The following SUPT5H variants were observed in gnomAD, a reference collection of about 807,000 sequenced individuals.
SUPT5H encodes transcription elongation factor SPT5.
SUPT5H carries 24 observed loss-of-function variants against 142.5 expected under a neutral mutation model. That is an observed-to-expected ratio of 0.17 (90% confidence interval 0.12 to 0.24). The LOEUF (loss-of-function observed/expected upper bound fraction) is 0.24, where lower values mean the gene tolerates loss of function less well. Among genes scored for constraint, SUPT5H ranks in the 10% least tolerant of loss-of-function variants. SUPT5H has a pLI of 1.00. For missense variants in SUPT5H, 893 were observed against 1,471.8 expected (o/e 0.61, Z 6.43); for synonymous variants, 546 against 553.0 (o/e 0.99, Z 0.18).
At chr19:39,464,711 G>T (rs62120671) in intron 10 of SUPT5H, 87 bp from the exon 11 acceptor site, 75,414 of 1,510,496 alleles carry the variant, frequency 0.05, 2,259 homozygotes, top group South Asian at 0.095. Flanking sequence ...TAAATTCCTA[G>T]AAGAGGGACT....
In SUPT5H at chr19:39,474,437, G is replaced by A; in HGVS notation, c.2820+35G>A. 2 of 1,610,708 alleles carry A rather than the reference G, an allele frequency of 1.2e-6. No homozygotes were observed. Among genetic ancestry groups the A allele is most frequent in the Non-Finnish European group, 1.7e-6 (2 of 1,177,448 alleles). On this transcript the variant is annotated intron_variant, in intron 27 of 29. Coordinates refer to ENST00000432763, the MANE Select transcript of SUPT5H (RefSeq NM_001111020.3). The surrounding 1 kb of genome is among the most constrained non-coding windows in gnomAD (Gnocchi z 6.5). ...TGCCTGCCTGCCCTGAAGGGTGGTG[G>A]GCTAGGGTGACTTTGGGCATATAGG...
At position 39,459,000 on chromosome 19, in the gene SUPT5H, T is replaced by A. The variant is rs1324371156; in HGVS notation, c.390-5T>A. The A allele has an allele frequency of 6.2e-7, 1 of 1,614,064 alleles. No individual in the cohort carries two copies. Among genetic ancestry groups the A allele is most frequent in the Non-Finnish European group, 8.5e-7 (1 of 1,180,014 alleles). Reference sequence around the variant, plus strand: ...TTCGTGTTTGCTTCCCCACTCGTGCTCCAGGGACCAGCGAGAAGAAGAACT... The same window carrying A: ...TTCGTGTTTGCTTCCCCACTCGTGCACCAGGGACCAGCGAGAAGAAGAACT... On this transcript the variant is annotated splice_region_variant and splice_polypyrimidine_tract_variant and intron_variant, in intron 6 of 29. Transcript: ENST00000432763. This position sits in a 1 kb window ranked among gnomAD's most constrained non-coding sequence, Gnocchi z 4.2.
intron 1 of SUPT5H, 48 bp downstream of exon 1, chr19:39,445,685 G>C (rs1285265280): frequency 1.6e-6 from 1 of 620,574 alleles, no homozygotes; most frequent in African/African-American, 1.8e-5. Flanking sequence ...GGGAGGTGTA[G>C]AGAACAGATT....
intron 10 of SUPT5H, among the ~76,000 whole-genome samples, chr19:39,461,214 T>G (rs2079156615): frequency 1.3e-5 from 2 of 151,452 alleles, no homozygotes; most frequent in Admixed American, 6.6e-5. Context: ...CACTTGAATC[T>G]AGGAGGCAGA....
chr19:39,461,821 CAAAAAAA>C (rs747295729), intron 10 of SUPT5H, among the ~76,000 whole-genome samples: 6 of 128,424 alleles, frequency 4.7e-5, no homozygotes, highest in Non-Finnish European at 8.6e-5. Context: ...GAGACTGTCT[CAAAAAAA>C]AAAAAAAAAA....
Position 39,472,625 on chromosome 19 carries a change from G to T in SUPT5H, c.2035+132G>T, listed in dbSNP as rs540496669. ...ATTAGGGGTTCACCACCCACAGGAGGGTAGACGCCACAGTGACAGCCCAGA... is the reference window on the plus strand; with the variant it reads ...ATTAGGGGTTCACCACCCACAGGAGTGTAGACGCCACAGTGACAGCCCAGA... On this transcript the variant is annotated intron_variant, in intron 21 of 29. Coordinates refer to ENST00000432763, the MANE Select transcript of SUPT5H (RefSeq NM_001111020.3). This position sits in a 1 kb window ranked among gnomAD's most constrained non-coding sequence, Gnocchi z 4.2. 90 of 1,372,528 alleles carry T rather than the reference G, an allele frequency of 6.6e-5. No homozygotes were observed. In the African/African-American group the frequency reaches 1.2e-3, roughly 18 times the overall value. The allele number at this position is 1,372,528 out of a possible 1,614,324, so 85.0% of individuals were successfully genotyped here. A position where few individuals can be genotyped will look rare whatever the true frequency, so the allele number is the denominator to read the frequency against.
At position 39,466,548 on chromosome 19, in the gene SUPT5H, C is replaced by T. The variant is rs762651381; in HGVS notation, c.945C>T (p.Arg315=). ...TGATCCCACGCATCGACTACGATCG[C>T]ATCAAGGCCCGCATGAGCTTGGTAC... The part of the protein sequence containing the change: ...LKMIPRIDYD[R]IKARMSLKDW... The change falls in exon 12 of 30, where the codon CGC becomes CGT. Residue 315 remains arginine, a synonymous_variant. Transcript: ENST00000432763. This position sits in a 1 kb window ranked among gnomAD's most constrained non-coding sequence, Gnocchi z 4.3. The T allele has an allele frequency of 6.8e-6, 11 of 1,614,050 alleles. No homozygotes were observed. In the African/African-American group the frequency reaches 1.2e-4, roughly 18 times the overall value.
chr19:39,453,635 G>A (rs2079048797), intron 3 of SUPT5H, 114 bp downstream of exon 3: 2 of 1,295,700 alleles, frequency 1.5e-6, no homozygotes, highest in Non-Finnish European at 2.0e-6. Flanking sequence ...CTGGAGTGCA[G>A]TAGCATGAAC....
intron 10 of SUPT5H, among the ~76,000 whole-genome samples, chr19:39,462,639 T>C (rs1476386659): frequency 1.3e-5 from 2 of 152,066 alleles, no homozygotes; most frequent in Non-Finnish European, 2.9e-5. Flanking sequence ...CAACTGATTC[T>C]CCTGTCTCAA....
rs962605799 is a variant in SUPT5H at position 39,472,166 on chromosome 19, T to C, written c.1951-243T>C. The stretch of plus-strand genomic sequence containing the variant: ...TAAAAAAGGCCTCAGTGGGAGGCAG[T>C]ATTGGAGCAGAGACCTGAATGAAGG... On this transcript the variant is annotated intron_variant, in intron 20 of 29. Coordinates refer to ENST00000432763, the MANE Select transcript of SUPT5H (RefSeq NM_001111020.3). This position sits in a 1 kb window ranked among gnomAD's most constrained non-coding sequence, Gnocchi z 4.2. Among the ~76,000 whole-genome samples, 2 of 152,052 alleles carry C rather than the reference T, an allele frequency of 1.3e-5. No individual in the cohort carries two copies. The highest frequency in any genetic ancestry group is 4.8e-5 in the African/African-American group (2 of 41,386).
chr19:39,475,986 C>T (rs946640095), intron 28 of SUPT5H, 95 bp from the exon 29 acceptor site: 5 of 1,201,650 alleles, frequency 4.2e-6, no homozygotes, highest in Non-Finnish European at 5.9e-6. Flanking sequence ...ACCTTGAGTT[C>T]TCAGAATGAG....
At chr19:39,475,475 C>T (rs1246494532) in intron 28 of SUPT5H, among the ~76,000 whole-genome samples, 4 of 151,326 alleles carry the variant, frequency 2.6e-5, no homozygotes, top group African/African-American at 9.7e-5. Flanking sequence ...CCTAGACTGT[C>T]CAGAGGGCGC....
intron 2 of SUPT5H, 132 bp downstream of exon 2, chr19:39,446,097 T>A: frequency 9.8e-7 from 1 of 1,021,984 alleles, no homozygotes; most frequent in South Asian, 1.4e-5. Context: ...TCTCAAGAGA[T>A]AGAGAATTAG....
rs1055960857 is a variant in SUPT5H at position 39,458,455 on chromosome 19, G to C, written c.319+150G>C. On this transcript the variant is annotated intron_variant, in intron 5 of 29. Transcript: ENST00000432763. The surrounding 1 kb of genome is among the most constrained non-coding windows in gnomAD (Gnocchi z 4.2). ...CCCATGTAGGATCCAGAGTCAGGGA[G>C]TTCTGGGGCCAGGTATACCCCAGTT... The C allele has an allele frequency of 1.4e-6, 2 of 1,395,678 alleles. No individual in the cohort carries two copies. The highest frequency in any genetic ancestry group is 1.9e-6 in the Non-Finnish European group (2 of 1,026,540). 86.5% of individuals were successfully genotyped at this position (1,395,678 alleles called of 1,614,324 possible).
In SUPT5H at chr19:39,473,688, A is replaced by G. The variant is rs2079358573; in HGVS notation, c.2492+167A>G. Among the ~76,000 whole-genome samples the G allele has an allele frequency of 6.6e-6, 1 of 152,072 alleles. No individual in the cohort carries two copies. Among genetic ancestry groups the G allele is most frequent in the Non-Finnish European group, 1.5e-5 (1 of 67,994 alleles). ...GGCATAGCATGGCGGGGCGGGGGCA[A>G]AGCGGCCTCCTCTCCATCCCCAACC... On this transcript the variant is annotated intron_variant, in intron 25 of 29. Coordinates refer to ENST00000432763, the MANE Select transcript of SUPT5H (RefSeq NM_001111020.3). This position sits in a 1 kb window ranked among gnomAD's most constrained non-coding sequence, Gnocchi z 5.8.
In SUPT5H at chr19:39,471,202, C is replaced by T. The variant is rs558787185; in HGVS notation, c.1678-155C>T. Among the ~76,000 whole-genome samples, 6 of 152,266 alleles carry T rather than the reference C, an allele frequency of 3.9e-5. No homozygotes were observed. The South Asian group carries it at 1.0e-3, about 26-fold the overall frequency. On this transcript the variant is annotated intron_variant, in intron 18 of 29. Coordinates refer to ENST00000432763, the MANE Select transcript of SUPT5H (RefSeq NM_001111020.3). The stretch of plus-strand genomic sequence containing the variant: ...TTGACCCAGTACCTAAAGGGTGGCA[C>T]TCTGCCTGCCTGCCCCGCAGCCAGG...
chr19:39,469,241 GC>G lies in SUPT5H; in HGVS notation c.1238-18del. 3 of 1,614,216 alleles carry G rather than the reference GC, an allele frequency of 1.9e-6. No homozygotes were observed. Among genetic ancestry groups the G allele is most frequent in the Non-Finnish European group, 2.5e-6 (3 of 1,180,022 alleles). ...GCCCATGGTGGCAACCCCCGAGTCA[GC>G]CCTACGACTGCCCCTGCAGGGAAGG... On this transcript the variant is annotated intron_variant, in intron 15 of 29. Transcript: ENST00000432763. The surrounding 1 kb of genome is among the most constrained non-coding windows in gnomAD (Gnocchi z 5.1).
chr19:39,446,729 C>T (rs896803052), intron 2 of SUPT5H, among the ~76,000 whole-genome samples: 1 of 152,152 alleles, frequency 6.6e-6, no homozygotes, highest in Admixed American at 6.6e-5. Context: ...TGGCTGAGGC[C>T]GGGCTTGGTG....
intron 10 of SUPT5H, among the ~76,000 whole-genome samples, chr19:39,462,875 C>T (rs925039067): frequency 8.0e-4 from 107 of 133,436 alleles, no homozygotes; most frequent in Non-Finnish European, 1.3e-3. Flanking sequence ...AGTCTCGCAC[C>T]GTTGCCCAGG....
Sources: allele counts gnomAD v4.1 joint callset (sites outside exome capture counted in the v4.1 genomes callset), GRCh38; gene constraint gnomAD v4.1.1; non-coding constraint Gnocchi (gnomAD v3.1); transcripts MANE v1.5; gene names NCBI Gene and HGNC (gene_info 2026-07-23, HGNC 2026-07-21).